The following FRAS1 variants were observed in gnomAD, a reference collection of about 807,000 sequenced individuals.
FRAS1 encodes Fraser extracellular matrix complex subunit 1, also known as extracellular matrix organizing protein FRAS1.
Under a neutral mutation model 435.2 loss-of-function variants are expected in FRAS1, and 290 were observed. That is an observed-to-expected ratio of 0.67 (90% confidence interval 0.61 to 0.73). The LOEUF (loss-of-function observed/expected upper bound fraction) is 0.73. Ranked by LOEUF, FRAS1 falls within the 30% of genes least tolerant of loss-of-function variation. The pLI is 0.00. For synonymous variants in FRAS1, 1,800 were observed against 1,851.0 expected (o/e 0.97, Z 0.71); for missense variants, 4,860 against 5,001.5 (o/e 0.97, Z 0.85).
intron 31 of FRAS1, 22 bp downstream of exon 31, chr4:78,407,863 T>C: frequency 6.4e-7 from 1 of 1,565,420 alleles, no homozygotes. Flanking sequence ...TTCCTGACTT[T>C]TCTGAAGTCT....
chr4:78,148,852 G>A (rs1720520914), intron 2 of FRAS1, among the ~76,000 whole-genome samples: 1 of 152,212 alleles, frequency 6.6e-6, no homozygotes, highest in African/African-American at 2.4e-5. Flanking sequence ...TGAAAGTACT[G>A]TGAAGTTGCA....
At chr4:78,341,283 T>C (rs990721383) in intron 20 of FRAS1, among the ~76,000 whole-genome samples, 73 of 152,190 alleles carry the variant, frequency 4.8e-4, no homozygotes, top group Non-Finnish European at 1.0e-3. Context: ...AGTTGAGTCC[T>C]GTGACAGTGG....
At chr4:78,251,779 T>C (rs996268402) in intron 4 of FRAS1, among the ~76,000 whole-genome samples, 1 of 152,234 alleles carries the variant, frequency 6.6e-6, no homozygotes, top group Non-Finnish European at 1.5e-5. Flanking sequence ...CAGGAAGGGC[T>C]GAGCTGGGAT....
chr4:78,340,092 T>C (rs536386131), intron 20 of FRAS1, among the ~76,000 whole-genome samples: 1 of 152,328 alleles, frequency 6.6e-6, no homozygotes, highest in South Asian at 2.1e-4. Flanking sequence ...TCCAGAGTGT[T>C]CTTTGATAGT....
intron 31 of FRAS1, among the ~76,000 whole-genome samples, chr4:78,409,900 A>G (rs534317912): frequency 1.3e-5 from 2 of 152,274 alleles, no homozygotes; most frequent in South Asian, 4.1e-4. Context: ...TCGCCTGACT[A>G]ATTTATATTG....
intron 9 of FRAS1, among the ~76,000 whole-genome samples, chr4:78,274,866 T>A (rs375978455): frequency 6.6e-6 from 1 of 152,074 alleles, no homozygotes; most frequent in Non-Finnish European, 1.5e-5. Context: ...TCCTGGATAT[T>A]CTTGTTAACT....
chr4:78,513,317 G>A, intron 64 of FRAS1, 75 bp from the exon 65 acceptor site: 1 of 1,434,976 alleles, frequency 7.0e-7, no homozygotes. Context: ...CAAATTAGGT[G>A]ATGAGAAAGA....
intron 2 of FRAS1, among the ~76,000 whole-genome samples, chr4:78,148,551 C>T (rs115538024): frequency 0.024 from 3,601 of 152,242 alleles, 64 homozygotes; most frequent in South Asian, 0.047. Context: ...ATTTAGTAAG[C>T]GTTCTTGAGC....
At chr4:78,122,132 C>T (rs1237573700) in intron 2 of FRAS1, among the ~76,000 whole-genome samples, 1 of 152,160 alleles carries the variant, frequency 6.6e-6, no homozygotes, top group African/African-American at 2.4e-5. Flanking sequence ...CCCCTAGCCC[C>T]CCATCCCCCA....
In FRAS1 at chr4:78,252,494, C is replaced by G. The variant is rs1238454078; in HGVS notation, c.412C>G (p.Gln138Glu). 8 of 1,613,694 alleles carry G rather than the reference C, an allele frequency of 5.0e-6. No homozygotes were observed. The highest frequency in any genetic ancestry group is 4.2e-6 in the Non-Finnish European group (5 of 1,179,836). Reference protein sequence around the residue: ...QPCPPLSCGHQELAFIPEGSC... With the variant: ...QPCPPLSCGHEELAFIPEGSC... The stretch of plus-strand genomic sequence containing the variant: ...ATGCCCACCGCTGTCATGTGGACAC[C>G]AGGAGCTGGCATTCATCCCTGAAGG... The change falls in exon 5 of 74, where the codon CAG (glutamine) becomes GAG (glutamate). Residue 138 changes from glutamine to glutamate, a missense_variant. Gln to Glu is a conservative substitution (Grantham distance 29, BLOSUM62 2). Transcript: ENST00000512123.
intron 1 of FRAS1, among the ~76,000 whole-genome samples, chr4:78,058,952 C>G (rs1197867425): frequency 6.6e-6 from 1 of 152,216 alleles, no homozygotes; most frequent in African/African-American, 2.4e-5. Context: ...GAAGTCGCCC[C>G]GCCAGTGCTT....
chr4:78,247,188 C>T (rs186513003), intron 4 of FRAS1, among the ~76,000 whole-genome samples: 13 of 152,238 alleles, frequency 8.5e-5, no homozygotes, highest in Admixed American at 5.9e-4. Flanking sequence ...AGAAAGTTCT[C>T]CCGCTGGTCT....
chr4:78,500,208 T>TA (rs904175836), intron 61 of FRAS1, among the ~76,000 whole-genome samples: 30 of 151,334 alleles, frequency 2.0e-4, no homozygotes, highest in African/African-American at 6.1e-4. Flanking sequence ...GATCACTTGT[T>TA]AAAAAAAAAT....
chr4:78,416,087 G>T (rs928075964), intron 32 of FRAS1, among the ~76,000 whole-genome samples: 1 of 152,176 alleles, frequency 6.6e-6, no homozygotes, highest in African/African-American at 2.4e-5. Context: ...CACACACAGA[G>T]AGAGAGGAAT....
At chr4:78,463,514 T>C (rs1719434494) in intron 47 of FRAS1, among the ~76,000 whole-genome samples, 1 of 152,172 alleles carries the variant, frequency 6.6e-6, no homozygotes, top group Non-Finnish European at 1.5e-5. Flanking sequence ...CCTTGAAGAA[T>C]ATTCAATAAA....
chr4:78,333,135 T>G (rs1046985497), intron 18 of FRAS1, 137 bp from the exon 19 acceptor site: 1 of 931,724 alleles, frequency 1.1e-6, no homozygotes. Flanking sequence ...GTGTGAGATG[T>G]GCAGCCTGTC....
intron 2 of FRAS1, among the ~76,000 whole-genome samples, chr4:78,099,930 A>G (rs1463636287): frequency 6.6e-6 from 1 of 152,018 alleles, no homozygotes; most frequent in Non-Finnish European, 1.5e-5. Flanking sequence ...AGAAAAGGAA[A>G]TTTTTTCTGG....
chr4:78,365,730 A>G (rs994024933), intron 22 of FRAS1, among the ~76,000 whole-genome samples: 8 of 138,466 alleles, frequency 5.8e-5, no homozygotes. Flanking sequence ...TTGAGTTTCT[A>G]GTACATTAAA....
At chr4:78,452,492 T>A (rs2109836376) in intron 47 of FRAS1, 138 bp downstream of exon 47, 1 of 648,314 alleles carries the variant, frequency 1.5e-6, no homozygotes, top group East Asian at 2.8e-5. Flanking sequence ...TTTTGACCAT[T>A]ATACACTGGC....
Sources: gnomAD v4.1 joint callset for allele counts (sites outside exome capture counted in the v4.1 genomes callset) on GRCh38, gnomAD v4.1.1 for gene constraint, MANE v1.5 for transcripts, NCBI Gene and HGNC (gene_info 2026-07-23, HGNC 2026-07-21) for gene names.